CSMD1: variants seen among roughly 807,000 people sequenced by gnomAD.
CSMD1 encodes CUB and sushi domain-containing protein 1.
Under a neutral mutation model 417.5 loss-of-function variants are expected in CSMD1, and 213 were observed. The ratio of observed to expected loss-of-function variants is 0.51; its 90% confidence interval spans 0.46 to 0.57. The LOEUF (loss-of-function observed/expected upper bound fraction) is 0.57, where lower values mean the gene tolerates loss of function less well. CSMD1 is among the 20% of genes least tolerant of loss of function. CSMD1 has a pLI of 0.00. For synonymous variants in CSMD1, 2,862 were observed against 1,736.8 expected, an observed-to-expected ratio of 1.65 and a Z score of -16.11; for missense variants, 6,923 against 4,529.7, an observed-to-expected ratio of 1.53 and a Z score of -15.17.
chr8:3,716,522 T>A (rs151216417), intron 6 of CSMD1, among the ~76,000 whole-genome samples: 1 of 152,160 alleles, frequency 6.6e-6, no homozygotes, highest in Non-Finnish European at 1.5e-5. Context: ...CTGATGTGAG[T>A]GCAGCAGTGA....
intron 7 of CSMD1, among the ~76,000 whole-genome samples, chr8:3,689,194 G>A (rs928491819): frequency 6.6e-6 from 1 of 152,152 alleles, no homozygotes; most frequent in Admixed American, 6.5e-5. Context: ...TCAGGGAGCT[G>A]CACACAAGTT....
At chr8:3,370,213 C>T (rs186003430) in intron 18 of CSMD1, among the ~76,000 whole-genome samples, 12 of 152,266 alleles carry the variant, frequency 7.9e-5, no homozygotes, top group East Asian at 7.7e-4. Flanking sequence ...GACACGTTCC[C>T]GCCAACTTTC....
At chr8:4,477,242 G>C (rs917515309) in intron 2 of CSMD1, among the ~76,000 whole-genome samples, 1 of 152,202 alleles carries the variant, frequency 6.6e-6, no homozygotes, top group African/African-American at 2.4e-5. Flanking sequence ...AGCTACCTAG[G>C]GCTAGAGCCA....
chr8:4,001,060 A>G (rs1157189338), intron 4 of CSMD1, among the ~76,000 whole-genome samples: 1 of 151,714 alleles, frequency 6.6e-6, no homozygotes, highest in East Asian at 1.9e-4. Context: ...AAAAAAGGAA[A>G]AAAAAAACTG....
At chr8:4,808,779 A>G (rs1798728005) in intron 1 of CSMD1, among the ~76,000 whole-genome samples, 1 of 152,212 alleles carries the variant, frequency 6.6e-6, no homozygotes, top group East Asian at 1.9e-4. Context: ...CCTTGGTATC[A>G]TTTTTCATAT....
intron 3 of CSMD1, among the ~76,000 whole-genome samples, chr8:4,244,939 C>A (rs989983294): frequency 1.1e-4 from 17 of 152,088 alleles, no homozygotes; most frequent in African/African-American, 3.9e-4. Context: ...ATCACCATTG[C>A]TTGAAAACAA....
intron 32 of CSMD1, among the ~76,000 whole-genome samples, chr8:3,201,231 T>C: frequency 6.6e-6 from 1 of 152,190 alleles, no homozygotes; most frequent in East Asian, 1.9e-4. Flanking sequence ...TATGTAGGAC[T>C]TACAGGCTTA....
intron 5 of CSMD1, among the ~76,000 whole-genome samples, chr8:3,902,661 CT>C (rs1356108451): frequency 6.6e-6 from 1 of 152,078 alleles, no homozygotes; most frequent in African/African-American, 2.4e-5. Flanking sequence ...CTCATTGCCA[CT>C]CATCTCCTGC....
chr8:4,758,363 G>C (rs373054229), intron 1 of CSMD1, among the ~76,000 whole-genome samples: 2 of 152,124 alleles, frequency 1.3e-5, no homozygotes, highest in Non-Finnish European at 2.9e-5. Flanking sequence ...TATGTATTAT[G>C]CATTTTCAAG....
chr8:3,829,678 T>C (rs1398037857), intron 5 of CSMD1, among the ~76,000 whole-genome samples: 2 of 152,216 alleles, frequency 1.3e-5, no homozygotes, highest in Non-Finnish European at 2.9e-5. Flanking sequence ...TCCTCGTATC[T>C]TAACATGCTT....
chr8:4,573,118 G>A (rs983805845), intron 2 of CSMD1, among the ~76,000 whole-genome samples: 2 of 152,114 alleles, frequency 1.3e-5, no homozygotes, highest in African/African-American at 4.8e-5. Context: ...GCCTACTTCT[G>A]TCAATTCATC....
intron 50 of CSMD1, among the ~76,000 whole-genome samples, chr8:3,049,975 T>C (rs899240750): frequency 6.6e-6 from 1 of 151,984 alleles, no homozygotes; most frequent in African/African-American, 2.4e-5. Context: ...GCTCTGAAAA[T>C]AAAAATTACA....
At chr8:3,436,943 A>G (rs1027086011) in intron 12 of CSMD1, among the ~76,000 whole-genome samples, 2 of 152,150 alleles carry the variant, frequency 1.3e-5, no homozygotes, top group African/African-American at 4.8e-5. Flanking sequence ...AAAGAGTGTG[A>G]AGCTAAAAAA....
At chr8:3,555,689 A>G (rs564753143) in intron 10 of CSMD1, among the ~76,000 whole-genome samples, 81 of 152,356 alleles carry the variant, frequency 5.3e-4, no homozygotes, top group Admixed American at 3.3e-4. Context: ...GTGAGGGTGC[A>G]TAAAAATAAA....
At position 2,974,928 on chromosome 8, in the gene CSMD1, G is replaced by C. The variant is rs183782636; in HGVS notation, c.8567-304C>G. ...GCCATACTGCCTACATTTTTCCATC[G>C]ACCCTTAACTATATTCCAAATGAAC... On this transcript the variant is annotated intron_variant, in intron 55 of 69. Transcript: ENST00000635120. Among the ~76,000 whole-genome samples the C allele has an allele frequency of 2.8e-3, 426 of 152,186 alleles. 3 individuals carry two copies. The highest frequency in any genetic ancestry group is 9.7e-3 in the African/African-American group (404 of 41,534).
chr8:4,757,295 C>G (rs368648005), intron 1 of CSMD1, among the ~76,000 whole-genome samples: 3 of 152,170 alleles, frequency 2.0e-5, no homozygotes, highest in Non-Finnish European at 4.4e-5. Flanking sequence ...AAAAGATATA[C>G]GTGACTAATC....
At position 3,142,556 on chromosome 8, in the gene CSMD1, G is replaced by T. The variant is rs377629790; in HGVS notation, c.6150C>A (p.Pro2050=). The T allele has an allele frequency of 4.4e-5, 71 of 1,613,950 alleles. 1 individual carries two copies. In the African/African-American group the frequency reaches 8.5e-4, roughly 19 times the overall value. The change falls in exon 41 of 70, where the codon CCC becomes CCA. Residue 2050 remains proline (P), a synonymous_variant. Transcript: ENST00000635120. ...MIGQFSGTDL[P]AALLSTTHET... is the part of the protein sequence containing the mutation. Reference sequence around the variant, plus strand: ...CATGCGTTGTGCTCAGCAGGGCCGCGGGGAGATCCGTGCCGCTAAATTGTC... The same window carrying T: ...CATGCGTTGTGCTCAGCAGGGCCGCTGGGAGATCCGTGCCGCTAAATTGTC...
intron 5 of CSMD1, among the ~76,000 whole-genome samples, chr8:3,830,027 G>T (rs1039474186): frequency 6.6e-6 from 1 of 152,040 alleles, no homozygotes; most frequent in African/African-American, 2.4e-5. Flanking sequence ...TGGATTTCAG[G>T]TCTAACTCTT....
At chr8:4,733,465 A>C (rs1198777178) in intron 1 of CSMD1, among the ~76,000 whole-genome samples, 3 of 152,188 alleles carry the variant, frequency 2.0e-5, no homozygotes, top group Non-Finnish European at 4.4e-5. Context: ...GCTAATGTCT[A>C]CTAAAATCTA....
Sources: gnomAD v4.1 joint callset for allele counts (sites outside exome capture counted in the v4.1 genomes callset) on GRCh38, gnomAD v4.1.1 for gene constraint, MANE v1.5 for transcripts, NCBI Gene and HGNC (gene_info 2026-07-23, HGNC 2026-07-21) for gene names.